The following PFKFB3 variants were observed in gnomAD, a reference collection of about 807,000 sequenced individuals.
PFKFB3 encodes the protein 6-phosphofructo-2-kinase/fructose-2,6-biphosphatase 3.
A neutral mutation model predicts 68.0 loss-of-function variants in PFKFB3; 33 were observed. The ratio of observed to expected loss-of-function variants is 0.49; its 90% CI spans 0.37 to 0.65. The LOEUF is 0.65. PFKFB3 is among the 30% of genes least tolerant of loss of function. The pLI, the probability that PFKFB3 is intolerant of heterozygous loss-of-function variation, is 0.00. For synonymous variants in PFKFB3, 315 were observed against 288.2 expected (o/e 1.09, Z -0.94); for missense variants, 586 against 712.2 (o/e 0.82, Z 2.02).
the PFKFB3 span, among the ~76,000 whole-genome samples, chr10:6,310,240 G>A: frequency 7.2e-5 from 11 of 152,172 alleles, no homozygotes; most frequent in African/African-American, 1.9e-4. Flanking sequence ...AGCAGTGACC[G>A]GGGGTGTCCA....
rs6602514 is a variant in PFKFB3, at chr10:6,203,354, G to T, written c.76+18G>T. ...GCCCAGATGTGAGTGCAGCTGCGCGGAGCCGGGTTGCAGGGCGGGCTGCGC... is the reference window on the plus strand; with the variant it reads ...GCCCAGATGTGAGTGCAGCTGCGCGTAGCCGGGTTGCAGGGCGGGCTGCGC... On this transcript the variant is annotated intron_variant, in intron 1 of 14. Coordinates refer to ENST00000379775, the MANE Select transcript of PFKFB3 (RefSeq NM_004566.4). 450,754 of 1,578,672 alleles carry T rather than the reference G, an allele frequency of 0.29. 66,099 individuals are homozygous for T. The highest frequency in any genetic ancestry group is 0.38 in the Middle Eastern group (2,117 of 5,538).
chr10:6,188,887 T>G (rs373087658), intron 1 of PFKFB3, among the ~76,000 whole-genome samples: 6 of 147,340 alleles, frequency 4.1e-5, no homozygotes, highest in Admixed American at 2.1e-4. Flanking sequence ...CAGGCTGGAG[T>G]GCAGTGGCGC....
intron 1 of PFKFB3, among the ~76,000 whole-genome samples, chr10:6,178,047 C>A (rs1842583283): frequency 6.6e-6 from 1 of 152,108 alleles, no homozygotes; most frequent in Non-Finnish European, 1.5e-5. Context: ...CATGAAGACC[C>A]TAGTCAGGAG....
At chr10:6,245,579 G>A (rs952516131) in intron 14 of PFKFB3, among the ~76,000 whole-genome samples, 3 of 152,002 alleles carry the variant, frequency 2.0e-5, no homozygotes, top group Non-Finnish European at 2.9e-5. Context: ...ACCACACCCA[G>A]CCAATTTTTG....
chr10:6,299,121 C>T, the PFKFB3 span, among the ~76,000 whole-genome samples: 4 of 152,132 alleles, frequency 2.6e-5, no homozygotes, highest in Non-Finnish European at 5.9e-5. Context: ...GGATTGGAAA[C>T]GATGGTCTTG....
chr10:6,206,241 CAT>C (rs909067432), intron 1 of PFKFB3, among the ~76,000 whole-genome samples: 4 of 144,802 alleles, frequency 2.8e-5, no homozygotes, highest in African/African-American at 1.0e-4. Context: ...GGACACAGCA[CAT>C]GTTTCAGAGA....
chr10:6,269,084 T>C, the PFKFB3 span, among the ~76,000 whole-genome samples: 1 of 151,892 alleles, frequency 6.6e-6, no homozygotes, highest in Admixed American at 6.6e-5. Context: ...AATTATTTAC[T>C]GCTAGTATGT....
Position 6,229,180 on chromosome 10 carries a change from G to C in PFKFB3, c.1515+2815G>C, listed in dbSNP as rs756307353. On this transcript the variant is annotated intron_variant, in intron 14 of 14. Transcript: ENST00000379775. This position sits in a 1 kb window ranked among gnomAD's most constrained non-coding sequence, Gnocchi z 4.3. ...AATGACTGGCTTTGGAAATGGGAGA[G>C]GTTTGGCATGGCGCTCAGATTTTGG... 8 of 477,478 alleles carry C rather than the reference G, an allele frequency of 1.7e-5. No individual in the cohort carries two copies. The African/African-American group carries it at 1.7e-4, about 10-fold the overall frequency. 29.6% of individuals were successfully genotyped at this position (477,478 alleles called of 1,614,324 possible).
the PFKFB3 span, among the ~76,000 whole-genome samples, chr10:6,264,333 G>T: frequency 6.6e-6 from 1 of 151,928 alleles, no homozygotes; most frequent in Non-Finnish European, 1.5e-5. Flanking sequence ...TGGCCCGTTG[G>T]ATTTCCATTT....
intron 1 of PFKFB3, among the ~76,000 whole-genome samples, chr10:6,158,968 A>G (rs1033072951): frequency 6.6e-6 from 1 of 152,230 alleles, no homozygotes; most frequent in Non-Finnish European, 1.5e-5. Flanking sequence ...CTCTCATAGA[A>G]AAACCTTTAC....
rs528993171 is a variant in PFKFB3, at chr10:6,213,651, C to A, written c.105C>A (p.Pro35=). The A allele has an allele frequency of 5.8e-5, 94 of 1,613,250 alleles. 1 individual carries two copies. The South Asian group carries it at 9.9e-4, about 17-fold the overall frequency. ...RSCGPKLTNS[P]TVIVMVGLPA... is the part of the protein sequence containing the mutation. ...GTGGGCCAAAGCTGACCAACTCCCC[C>A]ACCGTCATCGTCATGGTGGGCCTCC... is the stretch of plus-strand genomic sequence containing the variant. The change falls in exon 2 of 15, where the codon CCC becomes CCA. Residue 35 remains proline, a synonymous_variant. Transcript: ENST00000379775.
upstream of PFKFB3, among the ~76,000 whole-genome samples, chr10:6,198,214 C>G (rs758639060): frequency 1.8e-4 from 26 of 148,294 alleles, no homozygotes; most frequent in Non-Finnish European, 2.5e-4. Context: ...CCACTGCACT[C>G]CAACCAGGGT....
At chr10:6,269,861 T>A in the PFKFB3 span, among the ~76,000 whole-genome samples, 1 of 152,170 alleles carries the variant, frequency 6.6e-6, no homozygotes, top group Non-Finnish European at 1.5e-5. Context: ...CCAGGTGTGG[T>A]GGCTCACGCT....
At chr10:6,199,140 T>A (rs759126225), upstream of PFKFB3, among the ~76,000 whole-genome samples, 28 of 152,178 alleles carry the variant, frequency 1.8e-4, no homozygotes, top group Non-Finnish European at 4.0e-4. Context: ...ATACATGGGA[T>A]TTTTCTCAAG....
At chr10:6,148,539 T>A (rs2131670752) in intron 1 of PFKFB3, among the ~76,000 whole-genome samples, 1 of 152,254 alleles carries the variant, frequency 6.6e-6, no homozygotes, top group East Asian at 1.9e-4. Context: ...GCTCTTCCTG[T>A]GGGTCTCCAG....
chr10:6,206,512 CTT>C, intron 1 of PFKFB3, among the ~76,000 whole-genome samples: 1 of 134,554 alleles, frequency 7.4e-6, no homozygotes, highest in African/African-American at 3.3e-5. Flanking sequence ...GGGCTCCTCA[CTT>C]CCCAGTAGGG....
chr10:6,235,805 C>T (rs545128264), downstream of PFKFB3, among the ~76,000 whole-genome samples: 3 of 143,396 alleles, frequency 2.1e-5, no homozygotes, highest in South Asian at 2.2e-4. Context: ...CTCACTCTGT[C>T]GCCCAGGCTG....
chr10:6,277,594 CTGTT>C, the PFKFB3 span: 1 of 187,498 alleles, frequency 5.3e-6, no homozygotes, highest in Non-Finnish European at 1.2e-5. Context: ...CAAGATCTGT[CTGTT>C]TAAAAGTGTG....
chr10:6,213,524 T>A (rs1844366977), intron 1 of PFKFB3, 99 bp from the exon 2 acceptor site: 2 of 1,405,964 alleles, frequency 1.4e-6, no homozygotes, highest in Non-Finnish European at 1.9e-6. Context: ...CTCAAAAACA[T>A]TTTTGGTGAA....
Sources: allele counts gnomAD v4.1 joint callset (sites outside exome capture counted in the v4.1 genomes callset), GRCh38; gene constraint gnomAD v4.1.1; non-coding constraint Gnocchi (gnomAD v3.1); transcripts MANE v1.5; gene names NCBI Gene and HGNC (gene_info 2026-07-23, HGNC 2026-07-21).